Variants in METTL15 observed in about 807,000 individuals in gnomAD.
The protein encoded by METTL15 is 12S rRNA N(4)-cytidine methyltransferase METTL15.
In METTL15, 34 loss-of-function variants were observed where a neutral mutation model predicts 38.3. That is an observed-to-expected ratio of 0.89 (90% CI 0.68 to 1.18). METTL15 has a LOEUF of 1.18. Among genes scored for constraint, METTL15 ranks in the 50% most tolerant of loss-of-function variants. The probability of loss-of-function intolerance (pLI) is 0.00; values close to 1 mark genes in which losing one functional copy is unlikely to be tolerated. For synonymous variants in METTL15, 162 were observed against 170.9 expected (o/e 0.95, Z 0.41); for missense variants, 438 against 498.4 (o/e 0.88, Z 1.15).
chr11:28,401,291 C>T (rs904815660), intron 5 of METTL15, among the ~76,000 whole-genome samples: 2 of 151,916 alleles, frequency 1.3e-5, no homozygotes, highest in African/African-American at 4.8e-5. Flanking sequence ...CAAATACCTG[C>T]CTGGGATAAT....
chr11:28,169,038 A>G (rs1850758913), intron 3 of METTL15, among the ~76,000 whole-genome samples: 1 of 152,184 alleles, frequency 6.6e-6, no homozygotes, highest in South Asian at 2.1e-4. Flanking sequence ...AGACATGCCC[A>G]TAAGATGCTA....
intron 5 of METTL15, among the ~76,000 whole-genome samples, chr11:28,402,331 C>A (rs1469427933): frequency 2.0e-5 from 3 of 151,950 alleles, no homozygotes; most frequent in Non-Finnish European, 4.4e-5. Context: ...TATCATTCAG[C>A]CTTGGTTCTG....
At chr11:28,141,267 T>G (rs1215822657) in intron 3 of METTL15, among the ~76,000 whole-genome samples, 1 of 152,168 alleles carries the variant, frequency 6.6e-6, no homozygotes, top group Admixed American at 6.5e-5. Context: ...GGTGCAGGTG[T>G]TACAGGACTG....
At chr11:28,372,599 C>G (rs1408391226) in intron 5 of METTL15, among the ~76,000 whole-genome samples, 1 of 151,234 alleles carries the variant, frequency 6.6e-6, no homozygotes, top group Non-Finnish European at 1.5e-5. Flanking sequence ...CCTCAGAGAC[C>G]ACATTATTCT....
chr11:28,255,330 A>G (rs1252683390), intron 4 of METTL15, among the ~76,000 whole-genome samples: 2 of 152,168 alleles, frequency 1.3e-5, no homozygotes, highest in African/African-American at 4.8e-5. Flanking sequence ...TGTGTTTATC[A>G]GTACTAATAG....
rs995505859 is a variant in METTL15 at position 28,196,176 on chromosome 11, C to G, written c.271-14886C>G. Among the ~76,000 whole-genome samples the G allele has an allele frequency of 2.6e-5, 4 of 151,978 alleles. No homozygotes were observed. In the East Asian group the frequency reaches 7.7e-4, roughly 29 times the overall value. On this transcript the variant is annotated intron_variant, in intron 3 of 6. Transcript: ENST00000407364. ...TTCTTTTTGTTTAGGATTGCTTTGACTATTCGGGCTCTTTATTGGTTCCAT... is the reference window on the plus strand; with the variant it reads ...TTCTTTTTGTTTAGGATTGCTTTGAGTATTCGGGCTCTTTATTGGTTCCAT...
chr11:28,304,852 T>G (rs1857027310), intron 6 of METTL15, among the ~76,000 whole-genome samples: 1 of 152,342 alleles, frequency 6.6e-6, no homozygotes, highest in African/African-American at 2.4e-5. Flanking sequence ...TCCTTCATTT[T>G]TCTCAAAAAA....
intron 4 of METTL15, 23 bp from the exon 5 acceptor site, chr11:28,290,183 C>T (rs1414107187): frequency 1.9e-6 from 3 of 1,573,982 alleles, no homozygotes; most frequent in Middle Eastern, 2.0e-4. Flanking sequence ...AGTGTTTTCT[C>T]TATCTCCTGG....
chr11:28,160,075 A>C (rs1850403156), intron 3 of METTL15, among the ~76,000 whole-genome samples: 1 of 152,236 alleles, frequency 6.6e-6, no homozygotes, highest in Middle Eastern at 3.4e-3. Flanking sequence ...ATAAAAGAGC[A>C]GGCAGAAAAA....
intron 4 of METTL15, among the ~76,000 whole-genome samples, chr11:28,238,599 G>T (rs907951193): frequency 6.6e-6 from 1 of 152,188 alleles, no homozygotes; most frequent in East Asian, 1.9e-4. Context: ...CTGGCACAGG[G>T]TGCGCTGCAC....
intron 3 of METTL15, among the ~76,000 whole-genome samples, chr11:28,161,822 G>A (rs1457334482): frequency 1.3e-5 from 2 of 152,062 alleles, no homozygotes; most frequent in African/African-American, 4.8e-5. Context: ...AGGCACTGTT[G>A]ATGGAAATAC....
intron 6 of METTL15, among the ~76,000 whole-genome samples, chr11:28,469,568 G>A (rs1851286317): frequency 6.6e-6 from 1 of 152,080 alleles, no homozygotes; most frequent in African/African-American, 2.4e-5. Flanking sequence ...GTGCCCTTGG[G>A]AAAGTTATTT....
chr11:28,502,100 C>A (rs200913273), intron 6 of METTL15, among the ~76,000 whole-genome samples: 161 of 120,904 alleles, frequency 1.3e-3, no homozygotes, highest in African/African-American at 1.6e-3. Flanking sequence ...GACTCTGTCT[C>A]AAAAAAAAAA....
At chr11:28,256,634 A>G (rs1204929724) in intron 4 of METTL15, among the ~76,000 whole-genome samples, 1 of 151,760 alleles carries the variant, frequency 6.6e-6, no homozygotes, top group African/African-American at 2.4e-5. Context: ...TATTTATGTA[A>G]CTTTTCAAAA....
intron 4 of METTL15, among the ~76,000 whole-genome samples, chr11:28,223,378 A>G (rs988983219): frequency 1.3e-5 from 2 of 152,092 alleles, no homozygotes; most frequent in Non-Finnish European, 2.9e-5. Flanking sequence ...TGCATGAGAA[A>G]GAAAAACACA....
chr11:28,110,040 CAA>C (rs1554976490), intron 1 of METTL15, 124 bp from the exon 2 acceptor site: 1 of 152,088 alleles, frequency 6.6e-6, no homozygotes, highest in Non-Finnish European at 1.5e-5. Flanking sequence ...CATTGTAAAC[CAA>C]AGAGCAGAGA....
At chr11:28,116,692 T>C (rs576833609) in intron 3 of METTL15, among the ~76,000 whole-genome samples, 55 of 152,338 alleles carry the variant, frequency 3.6e-4, no homozygotes, top group Non-Finnish European at 7.1e-4. Context: ...ATAAAAATAT[T>C]ATTTACCTTC....
intron 4 of METTL15, among the ~76,000 whole-genome samples, chr11:28,249,300 G>T (rs1854639520): frequency 6.6e-6 from 1 of 151,798 alleles, no homozygotes; most frequent in Admixed American, 6.6e-5. Context: ...ACTTAGCTAA[G>T]AATTTTACAT....
At chr11:28,426,786 TA>T (rs1850869608) in intron 6 of METTL15, among the ~76,000 whole-genome samples, 1 of 151,882 alleles carries the variant, frequency 6.6e-6, no homozygotes, top group African/African-American at 2.4e-5. Context: ...TGGTGTTGTT[TA>T]TTTTTTTTTT....
Sources: allele counts gnomAD v4.1 joint callset (sites outside exome capture counted in the v4.1 genomes callset), GRCh38; gene constraint gnomAD v4.1.1; transcripts MANE v1.5; gene names NCBI Gene and HGNC (gene_info 2026-07-23, HGNC 2026-07-21).